Variants in AGBL4 observed in about 807,000 individuals in gnomAD.
AGBL4 encodes cytosolic carboxypeptidase 6.
AGBL4 carries 58 observed loss-of-function variants against 66.4 expected under a neutral mutation model. The ratio of observed to expected loss-of-function variants is 0.87; its 90% CI spans 0.71 to 1.09. AGBL4 has a LOEUF of 1.09. AGBL4 is among the 50% of genes least tolerant of loss of function. The pLI, the probability that AGBL4 is intolerant of heterozygous loss-of-function variation, is 0.00. For missense variants in AGBL4, 579 were observed against 631.0 expected, an observed-to-expected ratio of 0.92 and a Z score of 0.88; for synonymous variants, 234 against 222.9, an observed-to-expected ratio of 1.05 and a Z score of -0.44.
At chr1:49,523,900 A>G (rs1408837425) in intron 3 of AGBL4, among the ~76,000 whole-genome samples, 1 of 151,990 alleles carries the variant, frequency 6.6e-6, no homozygotes, top group Non-Finnish European at 1.5e-5. Context: ...CCAAGTGCCA[A>G]ATAGCAAGGG....
At chr1:50,001,576 T>C (rs1359384526) in intron 1 of AGBL4, among the ~76,000 whole-genome samples, 1 of 151,898 alleles carries the variant, frequency 6.6e-6, no homozygotes, top group Non-Finnish European at 1.5e-5. Context: ...TTGCAAATTT[T>C]AGGAGCTACG....
chr1:48,554,789 T>G (rs1644297300), intron 11 of AGBL4, among the ~76,000 whole-genome samples: 1 of 152,236 alleles, frequency 6.6e-6, no homozygotes, highest in African/African-American at 2.4e-5. Flanking sequence ...GGTTCAGAGA[T>G]GTCACCTTTC....
At chr1:49,143,705 C>A (rs1180428473) in intron 4 of AGBL4, among the ~76,000 whole-genome samples, 1 of 152,082 alleles carries the variant, frequency 6.6e-6, no homozygotes, top group African/African-American at 2.4e-5. Flanking sequence ...ACTCACAGAT[C>A]TCCTCAGGAA....
downstream of AGBL4, among the ~76,000 whole-genome samples, chr1:48,532,236 C>G (rs138619745): frequency 6.6e-6 from 1 of 152,186 alleles, no homozygotes; most frequent in South Asian, 2.1e-4. Context: ...ATTTTCCACA[C>G]GTAAGTTCAT....
At chr1:48,866,827 C>T (rs542380924) in intron 6 of AGBL4, among the ~76,000 whole-genome samples, 7 of 152,170 alleles carry the variant, frequency 4.6e-5, no homozygotes, top group African/African-American at 2.4e-5. Flanking sequence ...TTCTATGGCA[C>T]CTTCCAAGCA....
chr1:49,171,990 T>G (rs1646747296), intron 4 of AGBL4, among the ~76,000 whole-genome samples: 1 of 152,138 alleles, frequency 6.6e-6, no homozygotes, highest in Admixed American at 6.6e-5. Flanking sequence ...ATCACATAAA[T>G]AGTAAATAGT....
intron 5 of AGBL4, among the ~76,000 whole-genome samples, chr1:48,953,799 A>G (rs975230638): frequency 9.2e-5 from 14 of 152,178 alleles, no homozygotes; most frequent in African/African-American, 3.4e-4. Flanking sequence ...TGTGCTATAG[A>G]CACCTTCCAA....
intron 6 of AGBL4, among the ~76,000 whole-genome samples, chr1:48,862,635 T>C (rs905636685): frequency 6.6e-6 from 1 of 152,206 alleles, no homozygotes; most frequent in Non-Finnish European, 1.5e-5. Context: ...AGTCACTTTC[T>C]TTATACCAGA....
intron 1 of AGBL4, among the ~76,000 whole-genome samples, chr1:49,933,914 A>G (rs1210259269): frequency 6.6e-6 from 1 of 152,194 alleles, no homozygotes; most frequent in Non-Finnish European, 1.5e-5. Flanking sequence ...ATCTCTGTTA[A>G]TAATTACTTT....
chr1:49,368,553 T>C (rs1279433891), intron 3 of AGBL4, among the ~76,000 whole-genome samples: 2 of 152,022 alleles, frequency 1.3e-5, no homozygotes, highest in African/African-American at 4.8e-5. Context: ...GTCTCTGTGG[T>C]TATAAATCCT....
intron 5 of AGBL4, among the ~76,000 whole-genome samples, chr1:48,924,445 A>C (rs915632466): frequency 6.6e-6 from 1 of 152,152 alleles, no homozygotes; most frequent in African/African-American, 2.4e-5. Context: ...AGACTTTAAA[A>C]TAAACCATGT....
At chr1:49,406,096 C>G (rs1299515964) in intron 3 of AGBL4, among the ~76,000 whole-genome samples, 1 of 152,122 alleles carries the variant, frequency 6.6e-6, no homozygotes, top group African/African-American at 2.4e-5. Flanking sequence ...TGCAACTTTC[C>G]AAGAGGGAAC....
intron 3 of AGBL4, among the ~76,000 whole-genome samples, chr1:49,488,847 G>A (rs1407515140): frequency 6.6e-6 from 1 of 151,688 alleles, no homozygotes; most frequent in Non-Finnish European, 1.5e-5. Context: ...CATCTATGTT[G>A]TTGCAAATGA....
intron 3 of AGBL4, among the ~76,000 whole-genome samples, chr1:49,646,225 T>A (rs1441369196): frequency 1.3e-5 from 2 of 151,740 alleles, no homozygotes; most frequent in African/African-American, 4.8e-5. Context: ...AAGAAAAGAA[T>A]AAAATAAATT....
At chr1:49,543,276 A>C (rs1652209006) in intron 3 of AGBL4, among the ~76,000 whole-genome samples, 1 of 152,102 alleles carries the variant, frequency 6.6e-6, no homozygotes, top group Non-Finnish European at 1.5e-5. Flanking sequence ...GAAGGGGATT[A>C]ACCTGGTGGG....
intron 6 of AGBL4, among the ~76,000 whole-genome samples, chr1:48,744,897 G>A (rs1287909273): frequency 3.3e-5 from 5 of 152,116 alleles, no homozygotes; most frequent in East Asian, 3.8e-4. Flanking sequence ...TTGTCTTGGC[G>A]CTGAACACTA....
chr1:49,556,871 G>T (rs1183238260), intron 3 of AGBL4, among the ~76,000 whole-genome samples: 1 of 152,106 alleles, frequency 6.6e-6, no homozygotes, highest in Admixed American at 6.5e-5. Context: ...GAGGCCTGAC[G>T]AGAATTCAAG....
At chr1:48,797,507 T>A (rs1329370376) in intron 6 of AGBL4, among the ~76,000 whole-genome samples, 2 of 152,244 alleles carry the variant, frequency 1.3e-5, no homozygotes, top group African/African-American at 4.8e-5. Flanking sequence ...TCACTTAGAA[T>A]AATGGTCTCC....
intron 4 of AGBL4, among the ~76,000 whole-genome samples, chr1:49,239,021 GGAAGTATGTCTACTCCAT>G (rs1331628391): frequency 6.6e-6 from 1 of 152,066 alleles, no homozygotes; most frequent in Non-Finnish European, 1.5e-5. Context: ...AGAAATAGAG[GGAAGTATGTCTACTCCAT>G]CATGTCCCGG....
Sources: allele counts gnomAD v4.1 joint callset (sites outside exome capture counted in the v4.1 genomes callset), GRCh38; gene constraint gnomAD v4.1.1; transcripts MANE v1.5; gene names NCBI Gene and HGNC (gene_info 2026-07-23, HGNC 2026-07-21).